The following SLC35F5 variants were observed in gnomAD, a reference collection of about 807,000 sequenced individuals.
SLC35F5 encodes the protein HCV NS5A-transactivated protein 3.
In SLC35F5, 54 loss-of-function variants were observed where a neutral mutation model predicts 68.6. The ratio of observed to expected loss-of-function variants is 0.79; its 90% confidence interval spans 0.63 to 0.99. The LOEUF is 0.99. Among genes scored for constraint, SLC35F5 ranks in the 50% least tolerant of loss-of-function variants. The pLI, the probability that SLC35F5 is intolerant of heterozygous loss-of-function variation, is 0.00. For missense variants in SLC35F5, 567 were observed against 626.9 expected (o/e 0.90, Z 1.02); for synonymous variants, 211 against 205.2 (o/e 1.03, Z -0.24).
Position 113,711,942 on chromosome 2 carries a change from A to G in SLC35F5, c.*3276T>C, listed in dbSNP as rs1191428738. Among the ~76,000 whole-genome samples the G allele has an allele frequency of 1.3e-5, 2 of 152,208 alleles. No homozygotes were observed. Among genetic ancestry groups the G allele is most frequent in the African/African-American group, 2.4e-5 (1 of 41,454 alleles). ...AACCAGCACACTGAGGATTAGTGCTATGGGTATTACCACAGTGCCCTGTGA... is the reference window on the plus strand; with the variant it reads ...AACCAGCACACTGAGGATTAGTGCTGTGGGTATTACCACAGTGCCCTGTGA... On this transcript the variant is annotated 3_prime_UTR_variant, in exon 16 of 16. Coordinates refer to ENST00000245680, the MANE Select transcript of SLC35F5 (RefSeq NM_025181.5).
chr2:113,709,457 A>G lies in SLC35F5; in HGVS notation c.*5761T>C, dbSNP rs1686904778. ...GAGAAGAGTGAGGGAAGGACGGACCATGGGAGTCAGCATTTTTCAAGCATC... is the reference window on the plus strand; with the variant it reads ...GAGAAGAGTGAGGGAAGGACGGACCGTGGGAGTCAGCATTTTTCAAGCATC... On this transcript the variant is annotated 3_prime_UTR_variant, in exon 16 of 16. Transcript: ENST00000245680. 2.0e-5 allele frequency among the ~76,000 whole-genome samples: 3 copies of G among 152,322 alleles called. No homozygotes were observed. The South Asian group carries it at 6.2e-4, about 32-fold the overall frequency.
Position 113,719,321 on chromosome 2 carries a change from G to A in SLC35F5, c.1342-13C>T, listed in dbSNP as rs375308753. On this transcript the variant is annotated splice_polypyrimidine_tract_variant and intron_variant, in intron 13 of 15. Transcript: ENST00000245680. ...AAGAAAACTGCACCTAAAAATAAAA[G>A]ATAGAGGAAAAAACACACCCACAAT... 5.8e-6 allele frequency: 9 copies of A among 1,540,198 alleles called. No individual in the cohort carries two copies. Among genetic ancestry groups the A allele is most frequent in the Non-Finnish European group, 6.9e-6 (8 of 1,159,574 alleles).
chr2:113,755,442 C>G lies in SLC35F5; in HGVS notation c.131+12G>C, dbSNP rs557519017. 1.2e-5 allele frequency: 20 copies of G among 1,613,610 alleles called. No individual in the cohort carries two copies. The African/African-American group carries it at 2.1e-4, about 17-fold the overall frequency. On this transcript the variant is annotated intron_variant, in intron 2 of 15. Transcript: ENST00000245680. Reference sequence around the variant, plus strand: ...GTGTGAAAGTTACATAGAGGATAAACGTGGAATCTACCTTGTCTTAAGAGC... The same window carrying G: ...GTGTGAAAGTTACATAGAGGATAAAGGTGGAATCTACCTTGTCTTAAGAGC...
intron 14 of SLC35F5, among the ~76,000 whole-genome samples, chr2:113,718,878 AAAG>A (rs1687289385): frequency 2.1e-5 from 1 of 48,406 alleles, no homozygotes; most frequent in Non-Finnish European, 5.8e-5. Context: ...AGAAAGAAAG[AAAG>A]AAAGAAAGAA....
intron 12 of SLC35F5, 129 bp downstream of exon 12, chr2:113,725,249 G>A: frequency 1.3e-6 from 1 of 770,604 alleles, no homozygotes; most frequent in South Asian, 1.7e-5. Flanking sequence ...TGGAGTTAAA[G>A]TATTCAGTTG....
At position 113,708,266 on chromosome 2, in the gene SLC35F5, A is replaced by G. The variant is rs1310416311; in HGVS notation, c.*6952T>C. ...TAGATGGCTGGGGAAAGGTAAAAGA[A>G]CCCCGGTTGTGATTATTTTTTTCTA... On this transcript the variant is annotated 3_prime_UTR_variant, in exon 16 of 16. Transcript: ENST00000245680. 6.6e-6 allele frequency among the ~76,000 whole-genome samples: 1 copy of G among 152,196 alleles called. No individual in the cohort carries two copies. Among genetic ancestry groups the G allele is most frequent in the Non-Finnish European group, 1.5e-5 (1 of 68,022 alleles).
intron 7 of SLC35F5, among the ~76,000 whole-genome samples, chr2:113,738,659 G>GA (rs74545459): frequency 0.03 from 3,940 of 132,228 alleles, 57 homozygotes; most frequent in Middle Eastern, 0.037. Flanking sequence ...ACATTTTACA[G>GA]AAAAAAAAAA....
Position 113,756,586 on chromosome 2 carries a change from A to G in SLC35F5, c.-177T>C. ...CTCCACTCGGCCCAGGAGGGCGTGG[A>G]GCGGGTGAGGGGAAGGGACGGCACA... On this transcript the variant is annotated 5_prime_UTR_variant, in exon 1 of 16. Transcript: ENST00000245680. 10 of 1,425,582 alleles carry G rather than the reference A, an allele frequency of 7.0e-6. No homozygotes were observed. The highest frequency in any genetic ancestry group is 1.5e-5 in the South Asian group (1 of 68,534). The allele number at this position is 1,425,582 out of a possible 1,614,324, so 88.3% of individuals were successfully genotyped here.
At chr2:113,738,627 T>C (rs1384404670) in intron 7 of SLC35F5, among the ~76,000 whole-genome samples, 1 of 150,744 alleles carries the variant, frequency 6.6e-6, no homozygotes, top group South Asian at 2.1e-4. Context: ...ATATTCTTGA[T>C]AAAGCCAGTA....
intron 13 of SLC35F5, among the ~76,000 whole-genome samples, chr2:113,722,844 C>A (rs755020688): frequency 6.6e-6 from 1 of 152,282 alleles, no homozygotes; most frequent in Middle Eastern, 3.4e-3. Context: ...GGAACAGAAT[C>A]AGCTCAAAAA....
rs932221402 is a variant in SLC35F5 at position 113,756,639 on chromosome 2, A to G, written c.-230T>C. 2 of 1,215,000 alleles carry G rather than the reference A, an allele frequency of 1.6e-6. No homozygotes were observed. Among genetic ancestry groups the G allele is most frequent in the African/African-American group, 3.2e-5 (2 of 61,888 alleles). The allele number at this position is 1,215,000 out of a possible 1,614,324, so 75.3% of individuals were successfully genotyped here. On this transcript the variant is annotated 5_prime_UTR_variant, in exon 1 of 16. Coordinates refer to ENST00000245680, the MANE Select transcript of SLC35F5 (RefSeq NM_025181.5). ...CAGCTATGGCCGCGGAGGCCCGGAG[A>G]TCTGCTCTGGCCCCGGCCCCGCCCC...
intron 7 of SLC35F5, chr2:113,742,291 C>T (rs1473634062): frequency 5.2e-6 from 1 of 193,760 alleles, no homozygotes; most frequent in Non-Finnish European, 1.0e-5. Flanking sequence ...CTGCAAAACA[C>T]TTATTTGAAA....
In SLC35F5 at chr2:113,756,360, G is replaced by A. The variant is rs1423935197; in HGVS notation, c.40+10C>T. 2 of 1,571,546 alleles carry A rather than the reference G, an allele frequency of 1.3e-6. No individual in the cohort carries two copies. The highest frequency in any genetic ancestry group is 1.4e-5 in the African/African-American group (1 of 73,778). On this transcript the variant is annotated intron_variant, in intron 1 of 15. Transcript: ENST00000245680. ...TCCGGTGATGTCGGGGCCCTTCCCT[G>A]CCTGCCTACCTGGCCTTCCTGCCCC...
At chr2:113,749,166 C>T (rs1386014798) in intron 4 of SLC35F5, among the ~76,000 whole-genome samples, 2 of 152,202 alleles carry the variant, frequency 1.3e-5, no homozygotes, top group Non-Finnish European at 2.9e-5. Context: ...GCTGGGATTA[C>T]AGGCATGAGC....
chr2:113,754,381 T>A (rs1676883481), intron 3 of SLC35F5, among the ~76,000 whole-genome samples: 1 of 152,092 alleles, frequency 6.6e-6, no homozygotes, highest in South Asian at 2.1e-4. Flanking sequence ...ATATGAGACC[T>A]GAGTATTAAA....
chr2:113,715,600 G>A (rs1687148334), intron 15 of SLC35F5, among the ~76,000 whole-genome samples: 1 of 152,014 alleles, frequency 6.6e-6, no homozygotes, highest in South Asian at 2.1e-4. Context: ...GTGAGTACGA[G>A]AACAATGCAC....
Position 113,755,445 on chromosome 2 carries a change from G to A in SLC35F5, c.131+9C>T, listed in dbSNP as rs750489894. ...TGAAAGTTACATAGAGGATAAACGT[G>A]GAATCTACCTTGTCTTAAGAGCCCT... On this transcript the variant is annotated intron_variant, in intron 2 of 15. Transcript: ENST00000245680. 1 of 1,613,674 alleles carries A rather than the reference G, an allele frequency of 6.2e-7. No homozygotes were observed. Among genetic ancestry groups the A allele is most frequent in the Non-Finnish European group, 8.5e-7 (1 of 1,179,620 alleles).
chr2:113,732,555 C>A (rs17683556), intron 9 of SLC35F5, among the ~76,000 whole-genome samples: 1,991 of 152,264 alleles, frequency 0.013, 24 homozygotes, highest in Non-Finnish European at 0.023. Context: ...GCAGTCCTTA[C>A]ACTAAATATG....
At chr2:113,703,806 AC>A (rs1254749106), downstream of SLC35F5, 21 of 152,180 alleles carry the variant, frequency 1.4e-4, no homozygotes, top group African/African-American at 4.6e-4. Context: ...CAATTGGCCT[AC>A]CATTTGTGCA....
Sources: gnomAD v4.1 joint callset for allele counts (sites outside exome capture counted in the v4.1 genomes callset) on GRCh38, gnomAD v4.1.1 for gene constraint, MANE v1.5 for transcripts, NCBI Gene and HGNC (gene_info 2026-07-23, HGNC 2026-07-21) for gene names.